Variants in LRRC4C observed in about 807,000 individuals in gnomAD.
LRRC4C encodes leucine-rich repeat-containing protein 4C.
Under a neutral mutation model 33.6 loss-of-function variants are expected in LRRC4C, and 5 were observed. That is an observed-to-expected ratio of 0.15 (90% confidence interval 0.08 to 0.31). The LOEUF is 0.31. Ranked by LOEUF, LRRC4C falls within the 10% of genes least tolerant of loss-of-function variation. The probability of loss-of-function intolerance (pLI) is 1.00; values close to 1 mark genes in which losing one functional copy is unlikely to be tolerated. For missense variants in LRRC4C, 560 were observed against 796.7 expected, an observed-to-expected ratio of 0.70 and a Z score of 3.58; for synonymous variants, 329 against 302.0, an observed-to-expected ratio of 1.09 and a Z score of -0.93.
intron 1 of LRRC4C, among the ~76,000 whole-genome samples, chr11:40,969,268 G>C (rs1159790987): frequency 7.4e-6 from 1 of 135,266 alleles, no homozygotes; most frequent in Non-Finnish European, 1.6e-5. Context: ...TGAATGGTTA[G>C]GGAGTTGTTT....
At chr11:41,160,213 T>C (rs1944407083) in intron 1 of LRRC4C, among the ~76,000 whole-genome samples, 1 of 151,942 alleles carries the variant, frequency 6.6e-6, no homozygotes, top group Non-Finnish European at 1.5e-5. Flanking sequence ...AGTTAAAATA[T>C]AGAACATATG....
chr11:41,142,556 A>C (rs1943553930), intron 1 of LRRC4C, among the ~76,000 whole-genome samples: 1 of 152,166 alleles, frequency 6.6e-6, no homozygotes, highest in Non-Finnish European at 1.5e-5. Context: ...ATTTGCTAGA[A>C]CGGGACAGAG....
At chr11:40,720,953 C>T (rs2136678190) in intron 2 of LRRC4C, among the ~76,000 whole-genome samples, 1 of 152,192 alleles carries the variant, frequency 6.6e-6, no homozygotes, top group East Asian at 1.9e-4. Flanking sequence ...GGACCCTTGC[C>T]ATAGGAGATG....
In LRRC4C at chr11:40,495,813, GTTTT is replaced by G. The variant is rs77683172; in HGVS notation, c.-270+152325_-270+152328del. Reference sequence around the variant, plus strand: ...TTTTATTGAAGTTCTCAATAAACATGTTTTTTTTTTTTTTTTTTTTTTTTTTTTT... The same window carrying G: ...TTTTATTGAAGTTCTCAATAAACATGTTTTTTTTTTTTTTTTTTTTTTTTT... On this transcript the variant is annotated intron_variant, in intron 3 of 6. Coordinates refer to ENST00000528697, the MANE Select transcript of LRRC4C (RefSeq NM_001258419.2). 2.1e-4 allele frequency among the ~76,000 whole-genome samples: 14 copies of G among 67,006 alleles called. 1 individual carries two copies. Among genetic ancestry groups the G allele is most frequent in the Admixed American group, 7.4e-4 (4 of 5,412 alleles). 44.0% of individuals were successfully genotyped at this position (67,006 alleles called of 152,430 possible).
chr11:40,800,740 A>G (rs2135275669), intron 2 of LRRC4C, among the ~76,000 whole-genome samples: 1 of 152,280 alleles, frequency 6.6e-6, no homozygotes, highest in East Asian at 1.9e-4. Flanking sequence ...TCATCTAGGC[A>G]GTGTATTTTC....
intron 3 of LRRC4C, among the ~76,000 whole-genome samples, chr11:40,343,376 T>A (rs1412363644): frequency 6.6e-6 from 1 of 152,128 alleles, no homozygotes; most frequent in African/African-American, 2.4e-5. Flanking sequence ...TATTAATTTT[T>A]GATTTAGTGG....
chr11:40,973,999 C>T (rs1305011451), intron 1 of LRRC4C, among the ~76,000 whole-genome samples: 8 of 152,012 alleles, frequency 5.3e-5, no homozygotes. Context: ...AAACCAGCCA[C>T]TGTGACAAGG....
At chr11:40,533,538 G>T (rs982919202) in intron 3 of LRRC4C, among the ~76,000 whole-genome samples, 1 of 152,094 alleles carries the variant, frequency 6.6e-6, no homozygotes, top group Non-Finnish European at 1.5e-5. Flanking sequence ...AGCATTGTAG[G>T]TTTCTTTGTT....
At chr11:40,729,422 T>C (rs545545409) in intron 2 of LRRC4C, among the ~76,000 whole-genome samples, 3 of 152,300 alleles carry the variant, frequency 2.0e-5, no homozygotes, top group Admixed American at 2.0e-4. Flanking sequence ...CTTGTAAAAA[T>C]ATCTCAATCC....
At chr11:40,888,642 T>A (rs775915052) in intron 2 of LRRC4C, among the ~76,000 whole-genome samples, 1 of 151,998 alleles carries the variant, frequency 6.6e-6, no homozygotes, top group Non-Finnish European at 1.5e-5. Flanking sequence ...TTTTATTTCA[T>A]GGTAATGGAA....
At chr11:40,568,855 A>G (rs1300219559) in intron 3 of LRRC4C, among the ~76,000 whole-genome samples, 1 of 152,236 alleles carries the variant, frequency 6.6e-6, no homozygotes. Flanking sequence ...GAGAGAATAT[A>G]CATGGATTTA....
chr11:40,881,974 G>T (rs1955200460), intron 2 of LRRC4C, among the ~76,000 whole-genome samples: 1 of 151,964 alleles, frequency 6.6e-6, no homozygotes, highest in African/African-American at 2.4e-5. Flanking sequence ...CTTCATACTA[G>T]AAGTCAGCAG....
At chr11:40,910,734 G>T (rs571951245) in intron 2 of LRRC4C, among the ~76,000 whole-genome samples, 1 of 152,172 alleles carries the variant, frequency 6.6e-6, no homozygotes, top group African/African-American at 2.4e-5. Flanking sequence ...AGCTTGAGCC[G>T]GAGCAAGGCG....
intron 1 of LRRC4C, among the ~76,000 whole-genome samples, chr11:41,009,619 C>T (rs1239851457): frequency 6.6e-6 from 1 of 152,104 alleles, no homozygotes; most frequent in Non-Finnish European, 1.5e-5. Flanking sequence ...GTCAGACCCT[C>T]AGGCATGCTT....
intron 1 of LRRC4C, among the ~76,000 whole-genome samples, chr11:41,220,533 T>TACAC (rs3067232): frequency 0.19 from 28,011 of 144,126 alleles, 3,075 homozygotes; most frequent in East Asian, 0.39. Flanking sequence ...CACACAGACA[T>TACAC]ACACACACAC....
rs550034484 is a variant in LRRC4C at position 41,001,791 on chromosome 11, C to T, written c.-495-68068G>A. Among the ~76,000 whole-genome samples the T allele has an allele frequency of 1.2e-4, 18 of 152,152 alleles. No individual in the cohort carries two copies. In the South Asian group the frequency reaches 3.5e-3, roughly 30 times the overall value. ...CCTTGAACATGGATTAGGCAATGCC[C>T]TATTTGAATCTCATTCCAAGGTTCA... On this transcript the variant is annotated intron_variant, in intron 1 of 6. Coordinates refer to ENST00000528697, the MANE Select transcript of LRRC4C (RefSeq NM_001258419.2).
chr11:40,198,798 AG>A (rs1862474657), intron 5 of LRRC4C, among the ~76,000 whole-genome samples: 3 of 152,196 alleles, frequency 2.0e-5, no homozygotes, highest in Admixed American at 1.3e-4. Flanking sequence ...CTGGACTTAA[AG>A]GGGATTTCAG....
At chr11:41,028,232 T>C (rs1856504826) in intron 1 of LRRC4C, among the ~76,000 whole-genome samples, 1 of 151,480 alleles carries the variant, frequency 6.6e-6, no homozygotes, top group Admixed American at 6.6e-5. Flanking sequence ...GGTAACTAAC[T>C]CCAGCATATT....
At chr11:40,877,349 C>G (rs1954954006) in intron 2 of LRRC4C, among the ~76,000 whole-genome samples, 1 of 152,078 alleles carries the variant, frequency 6.6e-6, no homozygotes, top group African/African-American at 2.4e-5. Context: ...GTGTTTGTTG[C>G]CCACGAAGGT....
Sources: gnomAD v4.1 joint callset for allele counts (sites outside exome capture counted in the v4.1 genomes callset) on GRCh38, gnomAD v4.1.1 for gene constraint, MANE v1.5 for transcripts, NCBI Gene and HGNC (gene_info 2026-07-23, HGNC 2026-07-21) for gene names.